PTBP2: variants seen among roughly 807,000 people sequenced by gnomAD.
PTBP2 encodes the protein polypyrimidine tract binding protein 2.
In PTBP2, 13 loss-of-function variants were observed where a neutral mutation model predicts 61.4. The ratio of observed to expected loss-of-function variants is 0.21; its 90% CI spans 0.14 to 0.34. The LOEUF is 0.34. Ranked by LOEUF, PTBP2 falls within the 10% of genes least tolerant of loss-of-function variation. The probability of loss-of-function intolerance (pLI) is 1.00; values close to 1 mark genes in which losing one functional copy is unlikely to be tolerated. For synonymous variants in PTBP2, 215 were observed against 218.5 expected (o/e 0.98, Z 0.14); for missense variants, 405 against 642.6 (o/e 0.63, Z 4.00).
At chr1:96,762,417 C>G (rs1326320901) in intron 3 of PTBP2, among the ~76,000 whole-genome samples, 1 of 146,136 alleles carries the variant, frequency 6.8e-6, no homozygotes, top group Admixed American at 6.7e-5. Flanking sequence ...ACCTCCCTCC[C>G]GGATGGGGCA....
At chr1:96,802,742 A>G (rs1017704724) in intron 8 of PTBP2, among the ~76,000 whole-genome samples, 1 of 152,142 alleles carries the variant, frequency 6.6e-6, no homozygotes, top group Non-Finnish European at 1.5e-5. Context: ...CATACAGACT[A>G]TGGAATTTAA....
chr1:96,726,140 A>G (rs1650461037), intron 2 of PTBP2, among the ~76,000 whole-genome samples: 1 of 141,732 alleles, frequency 7.1e-6, no homozygotes, highest in Admixed American at 7.2e-5. Context: ...TTTTTTTGCT[A>G]TTTCTTAGGT....
At chr1:96,809,391 G>T (rs1217085359) in intron 11 of PTBP2, among the ~76,000 whole-genome samples, 1 of 152,120 alleles carries the variant, frequency 6.6e-6, no homozygotes, top group Non-Finnish European at 1.5e-5. Context: ...ATTTCAAAGA[G>T]TATCATACAG....
At position 96,812,730 on chromosome 1, in the gene PTBP2, G is replaced by C. The variant is rs369496411; in HGVS notation, c.1190G>C (p.Gly397Ala). 6 of 1,596,136 alleles carry C rather than the reference G, an allele frequency of 3.8e-6. No individual in the cohort carries two copies. Among genetic ancestry groups the C allele is most frequent in the Non-Finnish European group, 5.2e-6 (6 of 1,164,214 alleles). ...QSQLAMNHLN[G>A]QKMYGKIIRV... ...TTTATAGCCATGAATCATCTTAATGGACAGAAAATGTATGGAAAAATTATT... is the reference window on the plus strand; with the variant it reads ...TTTATAGCCATGAATCATCTTAATGCACAGAAAATGTATGGAAAAATTATT... The change falls in exon 12 of 14, where the codon GGA becomes GCA. Residue 397 changes from glycine (G) to alanine (A), a missense_variant. Transcript: ENST00000674951.
intron 5 of PTBP2, among the ~76,000 whole-genome samples, chr1:96,775,614 A>G (rs1050423477): frequency 6.6e-6 from 1 of 152,076 alleles, no homozygotes; most frequent in African/African-American, 2.4e-5. Flanking sequence ...ACTGTTTTTT[A>G]TCTGGGTAAT....
chr1:96,726,594 C>T lies in PTBP2; in HGVS notation c.39+3000C>T, dbSNP rs1176828304. ...CTGGGACTACAGGCGCCTGCCACCACGCCTGGCTTCTTTTTTGTATATTCA... is the reference window on the plus strand; with the variant it reads ...CTGGGACTACAGGCGCCTGCCACCATGCCTGGCTTCTTTTTTGTATATTCA... On this transcript the variant is annotated intron_variant, in intron 2 of 13. Transcript: ENST00000674951. 5.9e-5 allele frequency among the ~76,000 whole-genome samples: 9 copies of T among 152,260 alleles called. No individual in the cohort carries two copies. The East Asian group carries it at 7.7e-4, about 13-fold the overall frequency.
At chr1:96,791,969 G>C (rs902041267) in intron 8 of PTBP2, among the ~76,000 whole-genome samples, 14 of 151,592 alleles carry the variant, frequency 9.2e-5, no homozygotes, top group Non-Finnish European at 4.4e-5. Context: ...AAGTAGCTGG[G>C]ACTACAGGCG....
At chr1:96,748,684 T>C (rs1654155230) in intron 2 of PTBP2, among the ~76,000 whole-genome samples, 1 of 152,234 alleles carries the variant, frequency 6.6e-6, no homozygotes, top group African/African-American at 2.4e-5. Context: ...ATGTATTCTT[T>C]AGTATTTTGA....
intron 8 of PTBP2, among the ~76,000 whole-genome samples, chr1:96,791,838 T>TTTTTTTTG (rs1557759300): frequency 8.0e-5 from 11 of 137,674 alleles, no homozygotes; most frequent in South Asian, 2.5e-4. Context: ...TTTTTTTTTT[T>TTTTTTTTG]TTTTTTTTTT....
At chr1:96,723,903 A>C (rs1319333584) in intron 2 of PTBP2, among the ~76,000 whole-genome samples, 2 of 152,250 alleles carry the variant, frequency 1.3e-5, no homozygotes. Context: ...TAATGATTTT[A>C]AATGGATGGT....
At chr1:96,773,911 C>T (rs369245639) in intron 5 of PTBP2, among the ~76,000 whole-genome samples, 7 of 147,706 alleles carry the variant, frequency 4.7e-5, no homozygotes, top group South Asian at 2.1e-4. Flanking sequence ...TGCAGTGAGC[C>T]GAGATCGCGC....
At chr1:96,754,161 AAAC>A (rs1232894095) in intron 3 of PTBP2, among the ~76,000 whole-genome samples, 3 of 152,152 alleles carry the variant, frequency 2.0e-5, no homozygotes, top group African/African-American at 7.2e-5. Context: ...GCTGCGAAAA[AAAC>A]GTCTAACAGG....
At chr1:96,735,822 G>C (rs1652084983) in intron 2 of PTBP2, among the ~76,000 whole-genome samples, 1 of 152,102 alleles carries the variant, frequency 6.6e-6, no homozygotes, top group Non-Finnish European at 1.5e-5. Flanking sequence ...TTGCAGAAAG[G>C]CAAAATTTGA....
downstream of PTBP2, chr1:96,818,990 T>C (rs1057253702): frequency 1.3e-5 from 2 of 152,044 alleles, no homozygotes; most frequent in Non-Finnish European, 2.9e-5. Context: ...TAAACTATTA[T>C]GTACAAGTTG....
intron 8 of PTBP2, among the ~76,000 whole-genome samples, chr1:96,789,468 T>A (rs1478259289): frequency 2.0e-5 from 3 of 152,044 alleles, no homozygotes; most frequent in Non-Finnish European, 2.9e-5. Flanking sequence ...TCAAGATGGT[T>A]TTACTATGTA....
chr1:96,757,065 G>A (rs1343844026), intron 3 of PTBP2, among the ~76,000 whole-genome samples: 1 of 152,140 alleles, frequency 6.6e-6, no homozygotes, highest in Non-Finnish European at 1.5e-5. Flanking sequence ...ATTTTGCTGT[G>A]TACCTAAACT....
chr1:96,804,992 A>G, intron 9 of PTBP2, 53 bp downstream of exon 9: 3 of 1,395,744 alleles, frequency 2.1e-6, no homozygotes, highest in Non-Finnish European at 2.9e-6. Context: ...CATTTGTGAA[A>G]GTTTTTCATG....
chr1:96,747,660 TAA>T (rs1445684747), intron 2 of PTBP2, among the ~76,000 whole-genome samples: 1 of 152,112 alleles, frequency 6.6e-6, no homozygotes, highest in Admixed American at 6.5e-5. Context: ...GTGGCATAAA[TAA>T]AAGAGTTTTT....
intron 8 of PTBP2, among the ~76,000 whole-genome samples, chr1:96,803,285 A>C (rs902557045): frequency 1.3e-5 from 2 of 152,108 alleles, no homozygotes; most frequent in Non-Finnish European, 2.9e-5. Context: ...GAGATTGGCC[A>C]TGAGTTGATC....
Sources: allele counts gnomAD v4.1 joint callset (sites outside exome capture counted in the v4.1 genomes callset), GRCh38; gene constraint gnomAD v4.1.1; transcripts MANE v1.5; gene names NCBI Gene and HGNC (gene_info 2026-07-23, HGNC 2026-07-21).